The following CCDC175 variants were observed in gnomAD, a reference collection of about 807,000 sequenced individuals.
CCDC175 encodes coiled-coil domain-containing protein 175.
CCDC175 carries 100 observed loss-of-function variants against 114.6 expected under a neutral mutation model. The observed-to-expected ratio is 0.87, with a 90% CI of 0.74 to 1.03. The LOEUF (loss-of-function observed/expected upper bound fraction) is 1.03. Ranked by LOEUF, CCDC175 falls within the 50% of genes least tolerant of loss-of-function variation. The pLI is 0.00. For missense variants in CCDC175, 880 were observed against 917.8 expected (o/e 0.96, Z 0.53); for synonymous variants, 306 against 308.7 (o/e 0.99, Z 0.09).
At chr14:59,518,234 G>C (rs1396571201) in intron 17 of CCDC175, among the ~76,000 whole-genome samples, 1 of 152,076 alleles carries the variant, frequency 6.6e-6, no homozygotes, top group Non-Finnish European at 1.5e-5. Context: ...GAAAACCTAG[G>C]CAATACCATT....
At chr14:59,518,397 G>C (rs1393815649) in intron 17 of CCDC175, among the ~76,000 whole-genome samples, 10 of 152,144 alleles carry the variant, frequency 6.6e-5, no homozygotes, top group Admixed American at 6.5e-4. Flanking sequence ...CTACAGAATG[G>C]GAGAAAATTT....
intron 15 of CCDC175, among the ~76,000 whole-genome samples, chr14:59,525,770 AACAAATAAT>A (rs1025124226): frequency 3.3e-5 from 5 of 152,344 alleles, no homozygotes; most frequent in Admixed American, 2.0e-4. Flanking sequence ...TAATAACAAC[AACAAATAAT>A]ACAAATAATA....
rs144791633 is a variant in CCDC175 at position 59,524,088 on chromosome 14, G to A, written c.1995+1194C>T. The stretch of plus-strand genomic sequence containing the variant: ...ATGAAGCTTACAAGTTCAGTGATCT[G>A]CCCAAAGTCACACAGTGTCACTGGT... On this transcript the variant is annotated intron_variant, in intron 16 of 19. Transcript: ENST00000537690. Among the ~76,000 whole-genome samples, 7 of 152,154 alleles carry A rather than the reference G, an allele frequency of 4.6e-5. No homozygotes were observed. The East Asian group carries it at 1.2e-3, about 25-fold the overall frequency.
chr14:59,545,351 GA>G (rs1895039701), intron 8 of CCDC175, 52 bp from the exon 9 acceptor site: 10 of 1,510,998 alleles, frequency 6.6e-6, no homozygotes, highest in Admixed American at 2.1e-5. Flanking sequence ...CTGCTCCTCT[GA>G]GGCCATCTGC....
intron 8 of CCDC175, among the ~76,000 whole-genome samples, chr14:59,546,028 C>G (rs187755882): frequency 6.6e-6 from 1 of 152,260 alleles, no homozygotes; most frequent in Non-Finnish European, 1.5e-5. Flanking sequence ...ATGTTTATTG[C>G]TGCACTATTC....
At chr14:59,514,879 T>C (rs930019774) in intron 17 of CCDC175, among the ~76,000 whole-genome samples, 1 of 151,880 alleles carries the variant, frequency 6.6e-6, no homozygotes. Flanking sequence ...TTCACCAAAG[T>C]TGAAATGAAG....
chr14:59,513,256 T>C (rs1395923059), intron 17 of CCDC175, among the ~76,000 whole-genome samples: 1 of 152,058 alleles, frequency 6.6e-6, no homozygotes, highest in Non-Finnish European at 1.5e-5. Context: ...AGAAGACGGG[T>C]GATTTCTGCA....
intron 8 of CCDC175, among the ~76,000 whole-genome samples, 186 bp from the exon 9 acceptor site, chr14:59,545,485 A>C (rs1826981896): frequency 1.3e-5 from 2 of 152,164 alleles, no homozygotes; most frequent in African/African-American, 4.8e-5. Flanking sequence ...CTCTACTATA[A>C]ATTTTTTTAA....
chr14:59,576,147 C>G (rs188154746), intron 1 of CCDC175, among the ~76,000 whole-genome samples: 2 of 152,148 alleles, frequency 1.3e-5, no homozygotes, highest in African/African-American at 2.4e-5. Context: ...CCTAAACAAC[C>G]CTTTACATCT....
intron 14 of CCDC175, among the ~76,000 whole-genome samples, chr14:59,527,778 A>G (rs1020621762): frequency 3.9e-5 from 6 of 152,198 alleles, no homozygotes; most frequent in African/African-American, 1.2e-4. Flanking sequence ...ACACATTAAC[A>G]TATCTGTGAG....
At chr14:59,508,285 G>T (rs1238009275) in intron 19 of CCDC175, among the ~76,000 whole-genome samples, 1 of 151,568 alleles carries the variant, frequency 6.6e-6, no homozygotes, top group Admixed American at 6.6e-5. Flanking sequence ...AGTCCAATAG[G>T]TCCATGGCAC....
intron 3 of CCDC175, among the ~76,000 whole-genome samples, chr14:59,571,831 A>G (rs1896865327): frequency 6.6e-6 from 1 of 152,230 alleles, no homozygotes; most frequent in Admixed American, 6.5e-5. Context: ...TACAAAAAAA[A>G]TTGAAAGCAG....
At chr14:59,556,332 A>T (rs543963845) in intron 7 of CCDC175, among the ~76,000 whole-genome samples, 162 of 152,340 alleles carry the variant, frequency 1.1e-3, no homozygotes, top group Middle Eastern at 6.8e-3. Flanking sequence ...CTAATCTTTG[A>T]CAAACCTGAC....
At chr14:59,507,829 C>A (rs1320733766) in intron 19 of CCDC175, among the ~76,000 whole-genome samples, 1 of 152,148 alleles carries the variant, frequency 6.6e-6, no homozygotes, top group Non-Finnish European at 1.5e-5. Flanking sequence ...AGAAGCAGAG[C>A]TTAGCTGGCA....
At chr14:59,541,622 C>T (rs1053821362) in intron 10 of CCDC175, among the ~76,000 whole-genome samples, 1 of 152,156 alleles carries the variant, frequency 6.6e-6, no homozygotes, top group Admixed American at 6.5e-5. Context: ...TAATATCCTC[C>T]TCTGGATCTC....
intron 17 of CCDC175, among the ~76,000 whole-genome samples, chr14:59,521,087 G>A (rs527666356): frequency 6.6e-6 from 1 of 152,208 alleles, no homozygotes; most frequent in South Asian, 2.1e-4. Flanking sequence ...ACTGTTCCTG[G>A]GTATGTCTAT....
Position 59,545,318 on chromosome 14 carries a change from G to A in CCDC175, c.1036-19C>T. ...CAACCAGCTAGAGAAAAACAAAGGA[G>A]GTGAATGAGAGGACTGGCTTCACTG... On this transcript the variant is annotated intron_variant, in intron 8 of 19. Transcript: ENST00000537690. 1 of 1,534,640 alleles carries A rather than the reference G, an allele frequency of 6.5e-7. No homozygotes were observed. The highest frequency in any genetic ancestry group is 8.7e-7 in the Non-Finnish European group (1 of 1,145,902).
At chr14:59,572,872 C>A in intron 2 of CCDC175, 59 bp from the exon 3 acceptor site, 1 of 964,732 alleles carries the variant, frequency 1.0e-6, no homozygotes, top group South Asian at 1.7e-5. Context: ...AGATTGATTT[C>A]CTAAACAATG....
chr14:59,517,007 G>T (rs1893133054), intron 17 of CCDC175, among the ~76,000 whole-genome samples: 1 of 152,288 alleles, frequency 6.6e-6, no homozygotes, highest in East Asian at 1.9e-4. Flanking sequence ...ATGCAAGGCT[G>T]GTTCAACAGA....
Sources: gnomAD v4.1 joint callset for allele counts (sites outside exome capture counted in the v4.1 genomes callset) on GRCh38, gnomAD v4.1.1 for gene constraint, MANE v1.5 for transcripts, NCBI Gene and HGNC (gene_info 2026-07-23, HGNC 2026-07-21) for gene names.